ANKS1B: variants seen among roughly 807,000 people sequenced by gnomAD.
The protein encoded by ANKS1B is ankyrin repeat and sterile alpha motif domain-containing protein 1B.
ANKS1B carries 36 observed loss-of-function variants against 148.3 expected under a neutral mutation model. That is an observed-to-expected ratio of 0.24 (90% CI 0.19 to 0.32). The LOEUF (loss-of-function observed/expected upper bound fraction) is 0.32. Among genes scored for constraint, ANKS1B ranks in the 10% least tolerant of loss-of-function variants. The probability of loss-of-function intolerance (pLI) is 1.00; values close to 1 mark genes in which losing one functional copy is unlikely to be tolerated. For missense variants in ANKS1B, 1,157 were observed against 1,542.6 expected (o/e 0.75, Z 4.19); for synonymous variants, 542 against 560.8 (o/e 0.97, Z 0.47).
At chr12:99,963,602 T>G (rs2095445667) in intron 1 of ANKS1B, among the ~76,000 whole-genome samples, 1 of 152,234 alleles carries the variant, frequency 6.6e-6, no homozygotes. Flanking sequence ...CAATTAATGA[T>G]AGCATTTTTT....
intron 8 of ANKS1B, among the ~76,000 whole-genome samples, chr12:99,762,162 C>T (rs2062187006): frequency 1.3e-5 from 2 of 151,922 alleles, no homozygotes; most frequent in Non-Finnish European, 2.9e-5. Flanking sequence ...TATTAAAGTA[C>T]CAATATCATT....
intron 17 of ANKS1B, among the ~76,000 whole-genome samples, chr12:98,841,126 A>C (rs1382884451): frequency 6.6e-6 from 1 of 152,182 alleles, no homozygotes; most frequent in Non-Finnish European, 1.5e-5. Flanking sequence ...GTATTTTCTA[A>C]CTTTATTTCC....
At chr12:99,644,798 T>C (rs1016412522) in intron 9 of ANKS1B, among the ~76,000 whole-genome samples, 2 of 152,208 alleles carry the variant, frequency 1.3e-5, no homozygotes, top group Non-Finnish European at 2.9e-5. Context: ...AGTTAAGGTA[T>C]TGGCAGGGCT....
intron 17 of ANKS1B, among the ~76,000 whole-genome samples, chr12:98,898,741 G>T (rs1217062564): frequency 6.6e-6 from 1 of 152,122 alleles, no homozygotes; most frequent in East Asian, 1.9e-4. Flanking sequence ...TATGTGGAGT[G>T]TATCTAAATC....
intron 8 of ANKS1B, among the ~76,000 whole-genome samples, chr12:99,728,572 C>T (rs1267699404): frequency 2.0e-5 from 3 of 152,260 alleles, no homozygotes; most frequent in South Asian, 2.1e-4. Flanking sequence ...TATGGCAATT[C>T]GTCAAGGATC....
intron 14 of ANKS1B, among the ~76,000 whole-genome samples, chr12:99,156,697 T>C (rs964289494): frequency 3.9e-5 from 6 of 152,220 alleles, no homozygotes; most frequent in Admixed American, 1.3e-4. Context: ...TAATCTTCTC[T>C]ACCACGAATA....
chr12:99,019,050 T>G (rs1213478539), intron 17 of ANKS1B, among the ~76,000 whole-genome samples: 2 of 152,212 alleles, frequency 1.3e-5, no homozygotes, highest in Admixed American at 6.5e-5. Context: ...CAACGTTATG[T>G]GTCATATGTC....
chr12:99,131,456 C>A (rs975806623), intron 15 of ANKS1B, among the ~76,000 whole-genome samples: 4 of 152,114 alleles, frequency 2.6e-5, no homozygotes, highest in Non-Finnish European at 4.4e-5. Context: ...GGACTTTGGC[C>A]AAGCACAAAT....
At chr12:98,746,032 G>A (rs994510016) in intron 26 of ANKS1B, among the ~76,000 whole-genome samples, 183 bp from the exon 27 acceptor site, 4 of 152,214 alleles carry the variant, frequency 2.6e-5, no homozygotes, top group African/African-American at 9.6e-5. Flanking sequence ...CTCTCTGCAG[G>A]GCACCCTGAG....
chr12:99,568,003 T>C (rs886363353), intron 9 of ANKS1B, among the ~76,000 whole-genome samples: 2 of 152,214 alleles, frequency 1.3e-5, no homozygotes, highest in African/African-American at 4.8e-5. Flanking sequence ...TATTTCACAT[T>C]GACCAAAATC....
intron 15 of ANKS1B, chr12:99,096,958 T>C (rs187694208): frequency 6.6e-6 from 1 of 152,332 alleles, no homozygotes; most frequent in Admixed American, 6.5e-5. Context: ...TAAACAGCTA[T>C]AGAATTTCAT....
At chr12:98,794,746 T>C in intron 22 of ANKS1B, 2 of 1,083,310 alleles carry the variant, frequency 1.8e-6, no homozygotes, top group Admixed American at 1.7e-5. Context: ...AGCTATGGAA[T>C]AAAACTACTG....
At chr12:99,939,988 T>C (rs1339726235) in intron 1 of ANKS1B, among the ~76,000 whole-genome samples, 1 of 152,210 alleles carries the variant, frequency 6.6e-6, no homozygotes, top group African/African-American at 2.4e-5. Context: ...TTGCAAATCA[T>C]TAACAGTTAA....
chr12:98,752,603 T>TTTA (rs1321785289), intron 25 of ANKS1B, among the ~76,000 whole-genome samples: 1 of 152,130 alleles, frequency 6.6e-6, no homozygotes, highest in East Asian at 1.9e-4. Flanking sequence ...CTGAGACTTG[T>TTTA]CTCAGATATT....
intron 5 of ANKS1B, among the ~76,000 whole-genome samples, chr12:99,780,299 G>A (rs145037597): frequency 1.1e-3 from 168 of 151,084 alleles, no homozygotes; most frequent in African/African-American, 3.5e-3. Context: ...TTTTTGAGAC[G>A]GAGTCTCACT....
intron 14 of ANKS1B, among the ~76,000 whole-genome samples, chr12:99,212,930 C>T (rs1472098817): frequency 1.2e-4 from 18 of 152,168 alleles, no homozygotes; most frequent in Admixed American, 1.2e-3. Flanking sequence ...TTAGAGGAAA[C>T]AAACAATGTT....
chr12:99,830,673 AAT>A (rs1254777339), intron 1 of ANKS1B, among the ~76,000 whole-genome samples: 1 of 151,934 alleles, frequency 6.6e-6, no homozygotes, highest in Admixed American at 6.6e-5. Flanking sequence ...TCATTCAATA[AAT>A]AGTCCCGAGA....
chr12:99,555,995 T>A (rs952109232), intron 9 of ANKS1B, among the ~76,000 whole-genome samples: 3 of 152,158 alleles, frequency 2.0e-5, no homozygotes, highest in African/African-American at 7.2e-5. Context: ...TTTGAATATT[T>A]TCTGTAGGAA....
chr12:99,176,301 T>G (rs1392211911), intron 14 of ANKS1B, among the ~76,000 whole-genome samples: 1 of 152,212 alleles, frequency 6.6e-6, no homozygotes, highest in African/African-American at 2.4e-5. Flanking sequence ...TTTTGTCTTT[T>G]AAGTTTCTCT....
Sources: gnomAD v4.1 joint callset for allele counts (sites outside exome capture counted in the v4.1 genomes callset) on GRCh38, gnomAD v4.1.1 for gene constraint, MANE v1.5 for transcripts, NCBI Gene and HGNC (gene_info 2026-07-23, HGNC 2026-07-21) for gene names.